TUSC3: variants seen among roughly 807,000 people sequenced by gnomAD.
TUSC3 encodes tumor suppressor candidate 3, also known as dolichyl-diphosphooligosaccharide--protein glycosyltransferase subunit TUSC3.
Under a neutral mutation model 44.8 loss-of-function variants are expected in TUSC3, and 45 were observed. The ratio of observed to expected loss-of-function variants is 1.00; its 90% CI spans 0.79 to 1.29. The LOEUF is 1.29. Among genes scored for constraint, TUSC3 ranks in the 50% most tolerant of loss-of-function variants. TUSC3 has a pLI of 0.00. For synonymous variants in TUSC3, 212 were observed against 152.9 expected (o/e 1.39, Z -2.85); for missense variants, 519 against 437.9 (o/e 1.19, Z -1.65).
At chr8:15,679,052 C>T (rs370689821) in intron 6 of TUSC3, among the ~76,000 whole-genome samples, 411 of 152,232 alleles carry the variant, frequency 2.7e-3, no homozygotes, top group African/African-American at 9.0e-3. Context: ...TTGTGAATAA[C>T]GCTACAGTGA....
chr8:15,757,890 C>T, intron 10 of TUSC3, 35 bp downstream of exon 10: 3 of 1,430,974 alleles, frequency 2.1e-6, no homozygotes, highest in Non-Finnish European at 2.0e-6. Context: ...CCTCAGTTTT[C>T]CTCATTTTTC....
chr8:15,720,687 T>G (rs1032331417), intron 6 of TUSC3, among the ~76,000 whole-genome samples: 1 of 151,982 alleles, frequency 6.6e-6, no homozygotes, highest in Non-Finnish European at 1.5e-5. Context: ...TAGGTGAACT[T>G]TAGGGGAAAT....
At chr8:15,631,496 C>A (rs1449261397) in intron 2 of TUSC3, among the ~76,000 whole-genome samples, 2 of 152,052 alleles carry the variant, frequency 1.3e-5, no homozygotes, top group African/African-American at 4.8e-5. Context: ...CCTGTGCTAC[C>A]CTTTACCAAA....
intron 3 of TUSC3, among the ~76,000 whole-genome samples, chr8:15,656,735 C>T (rs957280484): frequency 1.3e-5 from 2 of 152,218 alleles, no homozygotes; most frequent in African/African-American, 4.8e-5. Context: ...TGCTGTAGAT[C>T]CACTAAGGGG....
chr8:15,570,942 C>T (rs949841293), intron 1 of TUSC3, among the ~76,000 whole-genome samples: 4 of 54,602 alleles, frequency 7.3e-5, no homozygotes, highest in African/African-American at 1.7e-4. Context: ...CTTTCTATTC[C>T]ATTGCCTATT....
chr8:15,689,742 G>C (rs1321016715), intron 6 of TUSC3, among the ~76,000 whole-genome samples: 1 of 151,564 alleles, frequency 6.6e-6, no homozygotes, highest in East Asian at 1.9e-4. Context: ...AGTTTGCTTA[G>C]GATAATGGCA....
At chr8:15,849,639 T>C in the TUSC3 span, among the ~76,000 whole-genome samples, 1 of 152,098 alleles carries the variant, frequency 6.6e-6, no homozygotes, top group Non-Finnish European at 1.5e-5. Flanking sequence ...AGCCTCCCTC[T>C]CACACTAGCA....
At chr8:15,798,320 G>A in the TUSC3 span, among the ~76,000 whole-genome samples, 1 of 152,146 alleles carries the variant, frequency 6.6e-6, no homozygotes, top group Non-Finnish European at 1.5e-5. Context: ...TCACGGGTCT[G>A]CATAGGCTAG....
intron 1 of TUSC3, among the ~76,000 whole-genome samples, chr8:15,581,676 C>G (rs1181950715): frequency 6.7e-6 from 1 of 148,502 alleles, no homozygotes; most frequent in Non-Finnish European, 1.5e-5. Flanking sequence ...TCTGCCCGTT[C>G]TCAGATCTCC....
At chr8:15,649,878 G>C (rs1806812684) in intron 2 of TUSC3, among the ~76,000 whole-genome samples, 1 of 152,046 alleles carries the variant, frequency 6.6e-6, no homozygotes, top group South Asian at 2.1e-4. Context: ...ATAAACTCTA[G>C]AGAACAGTCA....
chr8:15,597,381 A>G (rs17121695), intron 1 of TUSC3, among the ~76,000 whole-genome samples: 3,145 of 152,168 alleles, frequency 0.021, 95 homozygotes, highest in African/African-American at 0.07. Context: ...AGCCAGTTGG[A>G]CACTGCATTC....
chr8:15,440,363 T>G (rs73189500), intron 1 of TUSC3, among the ~76,000 whole-genome samples: 24,742 of 152,140 alleles, frequency 0.16, 2,089 homozygotes, highest in Middle Eastern at 0.22. Flanking sequence ...TGGGCCCAAG[T>G]AGAAACCCAG....
chr8:15,843,596 ATATATATATATATAT>A, the TUSC3 span, among the ~76,000 whole-genome samples: 1 of 136,148 alleles, frequency 7.3e-6, no homozygotes, highest in Non-Finnish European at 1.6e-5. Context: ...TGATGTACAT[ATATATATATATATAT>A]ATATATATAT....
intron 1 of TUSC3, among the ~76,000 whole-genome samples, chr8:15,600,861 A>G (rs1438622348): frequency 1.3e-5 from 2 of 151,726 alleles, no homozygotes; most frequent in African/African-American, 4.8e-5. Context: ...CTATCAGTGT[A>G]AAATTGCTTA....
the TUSC3 span, among the ~76,000 whole-genome samples, chr8:15,811,443 G>A: frequency 6.6e-6 from 1 of 152,144 alleles, no homozygotes; most frequent in African/African-American, 2.4e-5. Flanking sequence ...CAAGCCCGGG[G>A]GTAGTTGCCA....
At chr8:15,491,988 T>C (rs1471741280) in intron 2 of TUSC3, among the ~76,000 whole-genome samples, 1 of 152,234 alleles carries the variant, frequency 6.6e-6, no homozygotes, top group Non-Finnish European at 1.5e-5. Flanking sequence ...CTCAAATCTC[T>C]GAGCAGTCTC....
intron 1 of TUSC3, among the ~76,000 whole-genome samples, chr8:15,439,969 T>C (rs983026623): frequency 6.6e-6 from 1 of 152,228 alleles, no homozygotes; most frequent in Non-Finnish European, 1.5e-5. Context: ...TTAACAATTA[T>C]ATAGTGAGTG....
intron 6 of TUSC3, among the ~76,000 whole-genome samples, chr8:15,693,279 A>G (rs1194455167): frequency 2.0e-4 from 30 of 152,128 alleles, no homozygotes; most frequent in Non-Finnish European, 5.9e-5. Context: ...GTATATTTTT[A>G]TAGTGGCCAG....
intron 1 of TUSC3, among the ~76,000 whole-genome samples, chr8:15,550,744 T>G (rs1377173638): frequency 1.3e-5 from 2 of 151,662 alleles, no homozygotes; most frequent in South Asian, 4.2e-4. Context: ...TGGTCTCATC[T>G]CACTGCAACC....
Sources: allele counts gnomAD v4.1 joint callset (sites outside exome capture counted in the v4.1 genomes callset), GRCh38; gene constraint gnomAD v4.1.1; transcripts MANE v1.5; gene names NCBI Gene and HGNC (gene_info 2026-07-23, HGNC 2026-07-21).